Variants in RALYL observed in about 807,000 individuals in gnomAD.
The protein encoded by RALYL is RALY RNA binding protein like.
In RALYL, 29 loss-of-function variants were observed where a neutral mutation model predicts 35.1. The observed-to-expected ratio is 0.83, with a 90% confidence interval of 0.61 to 1.13. The LOEUF (loss-of-function observed/expected upper bound fraction) is 1.13. RALYL is among the 50% of genes most tolerant of loss of function. RALYL has a pLI of 0.00. For synonymous variants in RALYL, 120 were observed against 127.6 expected (o/e 0.94, Z 0.40); for missense variants, 359 against 360.4 (o/e 1.00, Z 0.03).
chr8:84,721,013 G>C (rs1843797007), intron 2 of RALYL, among the ~76,000 whole-genome samples: 1 of 151,846 alleles, frequency 6.6e-6, no homozygotes, highest in African/African-American at 2.4e-5. Flanking sequence ...TTTGGAGAAA[G>C]GGAAGTGGGA....
chr8:84,578,987 G>A (rs1237364776), intron 2 of RALYL, among the ~76,000 whole-genome samples: 4 of 152,190 alleles, frequency 2.6e-5, no homozygotes, highest in Non-Finnish European at 5.9e-5. Flanking sequence ...TCCCCAGCTT[G>A]AAGGTGGGGC....
chr8:84,461,519 C>G (rs967994298), intron 1 of RALYL, among the ~76,000 whole-genome samples: 1 of 151,626 alleles, frequency 6.6e-6, no homozygotes, highest in Non-Finnish European at 1.5e-5. Flanking sequence ...ACCATATTCT[C>G]TAAGTACAGT....
At chr8:84,655,330 T>C (rs1829757560) in intron 2 of RALYL, among the ~76,000 whole-genome samples, 1 of 152,044 alleles carries the variant, frequency 6.6e-6, no homozygotes, top group Non-Finnish European at 1.5e-5. Context: ...TGTTTTGTTT[T>C]TTGTTGTTGT....
intron 4 of RALYL, among the ~76,000 whole-genome samples, chr8:84,816,076 T>C (rs1827231825): frequency 1.4e-5 from 2 of 143,776 alleles, no homozygotes; most frequent in Non-Finnish European, 3.1e-5. Flanking sequence ...GAAAGGTGAA[T>C]AAGCACAGAG....
intron 2 of RALYL, among the ~76,000 whole-genome samples, chr8:84,652,977 T>G (rs948425799): frequency 6.6e-6 from 1 of 151,982 alleles, no homozygotes; most frequent in Non-Finnish European, 1.5e-5. Flanking sequence ...TAAAGAAAAA[T>G]AGAGAACTTG....
intron 1 of RALYL, among the ~76,000 whole-genome samples, chr8:84,464,165 A>C (rs1338032599): frequency 6.7e-6 from 1 of 150,206 alleles, no homozygotes; most frequent in South Asian, 2.1e-4. Context: ...TTATACTTTA[A>C]GTTTTAGGGT....
At chr8:84,862,115 C>T (rs1423047530) in intron 5 of RALYL, among the ~76,000 whole-genome samples, 181 bp from the exon 6 acceptor site, 3 of 152,186 alleles carry the variant, frequency 2.0e-5, no homozygotes, top group Non-Finnish European at 2.9e-5. Flanking sequence ...ATATTAGCAT[C>T]TATTTTCTTA....
intron 1 of RALYL, among the ~76,000 whole-genome samples, chr8:84,451,564 T>C (rs1410333452): frequency 6.6e-6 from 1 of 152,024 alleles, no homozygotes; most frequent in East Asian, 1.9e-4. Flanking sequence ...CTTGCCTAGG[T>C]GTTGGATTAT....
At chr8:84,905,939 T>C (rs1846420825) in intron 8 of RALYL, among the ~76,000 whole-genome samples, 1 of 152,156 alleles carries the variant, frequency 6.6e-6, no homozygotes, top group Admixed American at 6.6e-5. Flanking sequence ...ACCTAAAATG[T>C]TTTGAATACG....
At chr8:84,437,205 C>CT (rs546137521) in intron 1 of RALYL, among the ~76,000 whole-genome samples, 1 of 152,150 alleles carries the variant, frequency 6.6e-6, no homozygotes, top group South Asian at 2.1e-4. Flanking sequence ...GATTTCATTC[C>CT]TTTTTATAGC....
At chr8:84,259,387 A>G (rs1831779611) in intron 1 of RALYL, among the ~76,000 whole-genome samples, 1 of 152,264 alleles carries the variant, frequency 6.6e-6, no homozygotes, top group South Asian at 2.1e-4. Context: ...CTTCAAAAGC[A>G]CTTTCATATA....
At chr8:84,234,545 G>A (rs771799821) in intron 1 of RALYL, among the ~76,000 whole-genome samples, 2 of 152,078 alleles carry the variant, frequency 1.3e-5, no homozygotes, top group Non-Finnish European at 2.9e-5. Context: ...TGATTCAGCT[G>A]GGTGACTTGG....
intron 1 of RALYL, among the ~76,000 whole-genome samples, chr8:84,471,713 A>G (rs903256806): frequency 2.6e-5 from 4 of 152,220 alleles, no homozygotes; most frequent in African/African-American, 7.2e-5. Flanking sequence ...GGCCTCATTT[A>G]TCATAACACT....
chr8:84,355,915 T>C (rs1178234272), intron 1 of RALYL, among the ~76,000 whole-genome samples: 1 of 150,042 alleles, frequency 6.7e-6, no homozygotes, highest in Non-Finnish European at 1.5e-5. Flanking sequence ...AAATTGCATG[T>C]TGAATTGGAG....
rs968165541 is a variant in RALYL at position 84,887,762 on chromosome 8, G to A, written c.844G>A (p.Gly282Arg). Reference protein sequence around the residue: ...DGIEEDFDEDGGHELFLQIK With the variant: ...DGIEEDFDEDRGHELFLQIK ...GATAGAGGAGGACTTCGATGAAGAT[G>A]GGGGTCATGAGCTGGTAGGAAAGAA... Residue 282 changes from glycine to arginine, a missense_variant, in exon 8 of 9, where the codon GGG becomes AGG. By Grantham distance (125) the Gly-to-Arg change is moderately radical. Coordinates refer to ENST00000521268, the MANE Select transcript of RALYL (RefSeq NM_173848.7). 3.7e-6 allele frequency: 6 copies of A among 1,613,124 alleles called. 1 individual carries two copies. The Admixed American group carries it at 1.0e-4, about 27-fold the overall frequency.
intron 2 of RALYL, among the ~76,000 whole-genome samples, chr8:84,552,637 C>G (rs1043699944): frequency 6.6e-6 from 1 of 151,700 alleles, no homozygotes; most frequent in Admixed American, 6.6e-5. Context: ...CCTACTTAGT[C>G]TTAGACTCCT....
At chr8:84,366,057 C>T (rs991675281) in intron 1 of RALYL, among the ~76,000 whole-genome samples, 1 of 152,154 alleles carries the variant, frequency 6.6e-6, no homozygotes, top group Admixed American at 6.5e-5. Flanking sequence ...CAGATGATAT[C>T]ATCCAGTTGT....
At chr8:84,884,835 A>G (rs778558786) in intron 7 of RALYL, among the ~76,000 whole-genome samples, 1 of 152,126 alleles carries the variant, frequency 6.6e-6, no homozygotes, top group African/African-American at 2.4e-5. Flanking sequence ...TTCTTCAGGT[A>G]CCAACACTAG....
chr8:84,791,540 A>T (rs1820781240), intron 3 of RALYL, among the ~76,000 whole-genome samples: 1 of 152,176 alleles, frequency 6.6e-6, no homozygotes. Flanking sequence ...TAAATTCTGA[A>T]AAGTCCCATT....
Sources: allele counts gnomAD v4.1 joint callset (sites outside exome capture counted in the v4.1 genomes callset), GRCh38; gene constraint gnomAD v4.1.1; transcripts MANE v1.5; gene names NCBI Gene and HGNC (gene_info 2026-07-23, HGNC 2026-07-21).